The following ASPH variants were observed in gnomAD, a reference collection of about 807,000 sequenced individuals.
The protein encoded by ASPH is aspartyl/asparaginyl beta-hydroxylase.
A neutral mutation model predicts 118.4 loss-of-function variants in ASPH; 100 were observed. The observed-to-expected ratio is 0.84, with a 90% CI of 0.72 to 1.00. The LOEUF (loss-of-function observed/expected upper bound fraction) is 1.00, where lower values mean the gene tolerates loss of function less well. Among genes scored for constraint, ASPH ranks in the 50% least tolerant of loss-of-function variants. The pLI, the probability that ASPH is intolerant of heterozygous loss-of-function variation, is 0.00. For synonymous variants in ASPH, 315 were observed against 325.6 expected (o/e 0.97, Z 0.35); for missense variants, 920 against 919.5 (o/e 1.00, Z -0.01).
At chr8:61,515,183 T>C (rs1439537242) in intron 24 of ASPH, among the ~76,000 whole-genome samples, 1 of 152,186 alleles carries the variant, frequency 6.6e-6, no homozygotes, top group Non-Finnish European at 1.5e-5. Flanking sequence ...CCATCTCCAC[T>C]GCCTCATGCT....
intron 17 of ASPH, among the ~76,000 whole-genome samples, chr8:61,564,444 G>T (rs1430762538): frequency 6.6e-6 from 1 of 151,882 alleles, no homozygotes; most frequent in African/African-American, 2.4e-5. Flanking sequence ...GATTACAGGT[G>T]CCCGCCACTA....
intron 3 of ASPH, chr8:61,675,879 T>G: frequency 1.4e-6 from 2 of 1,384,562 alleles, no homozygotes; most frequent in Admixed American, 6.2e-5. Context: ...ACCATTTTCT[T>G]CAATAGAAGT....
At chr8:61,695,659 T>C (rs944591015) in intron 1 of ASPH, among the ~76,000 whole-genome samples, 3 of 152,200 alleles carry the variant, frequency 2.0e-5, no homozygotes, top group Admixed American at 6.5e-5. Context: ...ATACAACAAC[T>C]GATTTCTTAA....
At chr8:61,688,830 A>G (rs1055714366) in intron 1 of ASPH, among the ~76,000 whole-genome samples, 2 of 152,216 alleles carry the variant, frequency 1.3e-5, no homozygotes, top group Admixed American at 6.5e-5. Flanking sequence ...AGTCAGATAC[A>G]TATCTCATAT....
intron 16 of ASPH, among the ~76,000 whole-genome samples, chr8:61,570,144 C>G (rs1401976546): frequency 6.6e-6 from 1 of 152,054 alleles, no homozygotes; most frequent in Non-Finnish European, 1.5e-5. Flanking sequence ...CTTAGCAGAG[C>G]CTATATTAAA....
At chr8:61,692,958 A>AT (rs1455341433) in intron 1 of ASPH, among the ~76,000 whole-genome samples, 1 of 151,916 alleles carries the variant, frequency 6.6e-6, no homozygotes, top group African/African-American at 2.4e-5. Flanking sequence ...AAAAAAAAAA[A>AT]AGAAAAAAAG....
At chr8:61,675,551 C>G in intron 3 of ASPH, 1 of 979,794 alleles carries the variant, frequency 1.0e-6, no homozygotes, top group Non-Finnish European at 1.2e-6. Context: ...TCTGACAAAC[C>G]TAAACAAATT....
Position 61,502,652 on chromosome 8 carries a change from A to G in ASPH, c.*707T>C, listed in dbSNP as rs1805138646. 1 of 152,206 alleles carries G rather than the reference A, an allele frequency of 6.6e-6. No individual in the cohort carries two copies. Among genetic ancestry groups the G allele is most frequent in the Non-Finnish European group, 1.5e-5 (1 of 68,038 alleles). 9.4% of individuals were successfully genotyped at this position (152,206 alleles called of 1,614,324 possible). On this transcript the variant is annotated 3_prime_UTR_variant, in exon 25 of 25. Coordinates refer to ENST00000379454, the MANE Select transcript of ASPH (RefSeq NM_004318.4). ...TGTGAAAAGTTCCTCTTTGAAAGAAATAGGATTTTGTCAATATCTCCACCA... is the reference window on the plus strand; with the variant it reads ...TGTGAAAAGTTCCTCTTTGAAAGAAGTAGGATTTTGTCAATATCTCCACCA...
intron 18 of ASPH, among the ~76,000 whole-genome samples, chr8:61,557,395 A>G (rs1267298371): frequency 6.6e-6 from 1 of 152,094 alleles, no homozygotes; most frequent in African/African-American, 2.4e-5. Flanking sequence ...CAAGCCAAAG[A>G]TACCCCTGCC....
At chr8:61,696,362 G>C (rs896105864) in intron 1 of ASPH, among the ~76,000 whole-genome samples, 11 of 152,148 alleles carry the variant, frequency 7.2e-5, no homozygotes, top group Non-Finnish European at 1.3e-4. Flanking sequence ...CAGCCTCCAG[G>C]TATTTTTGGA....
At chr8:61,622,339 C>T (rs181875607) in intron 13 of ASPH, among the ~76,000 whole-genome samples, 43 of 152,228 alleles carry the variant, frequency 2.8e-4, no homozygotes, top group South Asian at 1.5e-3. Context: ...TCTGAGACTC[C>T]GTCTCAAAAA....
At chr8:61,579,174 G>A in intron 15 of ASPH, 1 of 1,612,520 alleles carries the variant, frequency 6.2e-7, no homozygotes, top group Non-Finnish European at 8.5e-7. Context: ...CCAGCTCCAG[G>A]CTGAGATTGA....
At chr8:61,534,506 A>G (rs1485184396) in intron 21 of ASPH, among the ~76,000 whole-genome samples, 1 of 152,206 alleles carries the variant, frequency 6.6e-6, no homozygotes, top group East Asian at 1.9e-4. Flanking sequence ...CATATTTTAC[A>G]TTTTGAATCA....
At chr8:61,701,624 T>C (rs1223355123) in intron 1 of ASPH, among the ~76,000 whole-genome samples, 4 of 152,158 alleles carry the variant, frequency 2.6e-5, no homozygotes, top group Admixed American at 2.0e-4. Flanking sequence ...TATTTACTGG[T>C]TACAACTAAA....
intron 2 of ASPH, among the ~76,000 whole-genome samples, chr8:61,682,811 C>A (rs1828765553): frequency 6.6e-6 from 1 of 152,080 alleles, no homozygotes; most frequent in South Asian, 2.1e-4. Flanking sequence ...AAAGCAGAAG[C>A]ACAGGAAGTC....
intron 14 of ASPH, among the ~76,000 whole-genome samples, chr8:61,589,567 C>T (rs1257009654): frequency 6.6e-6 from 1 of 152,174 alleles, no homozygotes; most frequent in Non-Finnish European, 1.5e-5. Flanking sequence ...ACCTCTTCTA[C>T]TCCAGACTGC....
At chr8:61,699,240 A>T (rs929830339) in intron 1 of ASPH, among the ~76,000 whole-genome samples, 23 of 152,234 alleles carry the variant, frequency 1.5e-4, no homozygotes, top group Non-Finnish European at 3.1e-4. Context: ...AGCGGCCTTC[A>T]CCCTAACAGC....
intron 3 of ASPH, chr8:61,656,855 CTTACT>C (rs1422190119): frequency 6.6e-6 from 1 of 152,128 alleles, no homozygotes; most frequent in African/African-American, 2.4e-5. Flanking sequence ...CCAGGATTAG[CTTACT>C]TTATTCACTG....
At chr8:61,517,772 G>A in intron 23 of ASPH, 111 bp from the exon 24 acceptor site, 15 of 1,374,402 alleles carry the variant, frequency 1.1e-5, no homozygotes, top group Non-Finnish European at 1.4e-5. Context: ...GCCTTTGTAA[G>A]ATTTAATATT....
Sources: allele counts gnomAD v4.1 joint callset (sites outside exome capture counted in the v4.1 genomes callset), GRCh38; gene constraint gnomAD v4.1.1; transcripts MANE v1.5; gene names NCBI Gene and HGNC (gene_info 2026-07-23, HGNC 2026-07-21).